TMEM120B: variants seen among roughly 807,000 people sequenced by gnomAD.
TMEM120B encodes transmembrane protein 120B.
Under a neutral mutation model 55.5 loss-of-function variants are expected in TMEM120B, and 31 were observed. The observed-to-expected ratio is 0.56, with a 90% CI of 0.42 to 0.75. The LOEUF (loss-of-function observed/expected upper bound fraction) is 0.75, where lower values mean the gene tolerates loss of function less well. Among genes scored for constraint, TMEM120B ranks in the 30% least tolerant of loss-of-function variants. The pLI, the probability that TMEM120B is intolerant of heterozygous loss-of-function variation, is 0.00. For missense variants in TMEM120B, 399 were observed against 425.5 expected (o/e 0.94, Z 0.55); for synonymous variants, 203 against 176.3 (o/e 1.15, Z -1.20).
intron 1 of TMEM120B, among the ~76,000 whole-genome samples, chr12:121,732,513 T>C (rs1322006461): frequency 2.0e-5 from 3 of 152,140 alleles, no homozygotes; most frequent in Non-Finnish European, 2.9e-5. Context: ...GGCCCACGGA[T>C]TAACCATTCT....
intron 5 of TMEM120B, among the ~76,000 whole-genome samples, chr12:121,757,571 C>T (rs1197374082): frequency 2.0e-5 from 3 of 150,338 alleles, no homozygotes; most frequent in African/African-American, 4.9e-5. Flanking sequence ...GGCTGGAGTG[C>T]AGTGGCACGA....
chr12:121,716,511 G>A (rs533781180), intron 1 of TMEM120B, among the ~76,000 whole-genome samples: 1 of 150,006 alleles, frequency 6.7e-6, no homozygotes, highest in East Asian at 1.9e-4. Context: ...GGGGTGATGT[G>A]TAACAATGTG....
In TMEM120B at chr12:121,776,199, C is replaced by T. The variant is rs1275421860; in HGVS notation, c.*477C>T. ...GGCCACTCTGCTTCTGCTGTGAGCC[C>T]CCTCCTCGCCCACCCCGCCACGTGG... On this transcript the variant is annotated 3_prime_UTR_variant, in exon 12 of 12. Transcript: ENST00000449592. The T allele has an allele frequency of 3.4e-6, 1 of 296,750 alleles. No individual in the cohort carries two copies. The allele number at this position is 296,750 out of a possible 1,614,324, so 18.4% of individuals were successfully genotyped here.
At chr12:121,771,103 GC>G in intron 7 of TMEM120B, 131 bp downstream of exon 7, 1 of 1,014,070 alleles carries the variant, frequency 9.9e-7, no homozygotes, top group East Asian at 2.6e-5. Flanking sequence ...GAAAGTATGA[GC>G]CTGCAGCTGC....
Position 121,780,479 on chromosome 12 carries a change from G to T in TMEM120B, c.*4757G>T. ...TTGCACGGTCAATTGGCCCGTGAAG[G>T]GGACGCCTACTTTCAAACAAGGCAG... On this transcript the variant is annotated 3_prime_UTR_variant, in exon 12 of 12. Transcript: ENST00000449592. 2.9e-6 allele frequency: 1 copy of T among 345,834 alleles called. No homozygotes were observed. The highest frequency in any genetic ancestry group is 2.1e-5 in the African/African-American group (1 of 47,814). The allele number at this position is 345,834 out of a possible 1,614,324, so 21.4% of individuals were successfully genotyped here.
chr12:121,746,376 G>A (rs991024288), intron 2 of TMEM120B, among the ~76,000 whole-genome samples: 1 of 151,908 alleles, frequency 6.6e-6, no homozygotes, highest in East Asian at 1.9e-4. Flanking sequence ...TAGTAGAGAC[G>A]GGGTTTCTCC....
intron 4 of TMEM120B, among the ~76,000 whole-genome samples, chr12:121,751,090 TACACCCCACACCC>T (rs1873301495): frequency 3.2e-5 from 1 of 31,374 alleles, no homozygotes; most frequent in Non-Finnish European, 6.1e-5. Context: ...ACCCCACACC[TACACCCCACACCC>T]ACACCCCAAA....
chr12:121,714,196 G>A (rs981850663), intron 1 of TMEM120B, among the ~76,000 whole-genome samples: 8 of 152,152 alleles, frequency 5.3e-5, no homozygotes, highest in African/African-American at 1.9e-4. Context: ...GTCCCATCCG[G>A]TTCTCAGGGG....
chr12:121,752,287 G>A, intron 5 of TMEM120B, 64 bp downstream of exon 5: 1 of 1,432,040 alleles, frequency 7.0e-7, no homozygotes, highest in Non-Finnish European at 9.8e-7. Flanking sequence ...GGCCGGGAGA[G>A]AGGGATCCAG....
intron 7 of TMEM120B, 129 bp from the exon 8 acceptor site, chr12:121,771,359 C>T (rs533956382): frequency 4.1e-5 from 33 of 805,368 alleles, no homozygotes; most frequent in African/African-American, 2.4e-4. Context: ...GATAGAAGGG[C>T]GGAAGTCTGG....
intron 1 of TMEM120B, among the ~76,000 whole-genome samples, chr12:121,720,693 CGACAGAG>C (rs1367413119): frequency 6.6e-6 from 1 of 151,648 alleles, no homozygotes; most frequent in Non-Finnish European, 1.5e-5. Context: ...CCAGACTGGG[CGACAGAG>C]TAAGACTGTG....
chr12:121,746,114 G>C (rs548901357), intron 2 of TMEM120B, among the ~76,000 whole-genome samples: 2 of 151,882 alleles, frequency 1.3e-5, no homozygotes, highest in East Asian at 3.9e-4. Context: ...GCCCACTTCA[G>C]TTTCCCAAAG....
chr12:121,725,863 C>T (rs534992243), intron 1 of TMEM120B, among the ~76,000 whole-genome samples: 6 of 151,994 alleles, frequency 3.9e-5, no homozygotes, highest in East Asian at 3.9e-4. Flanking sequence ...ATGGTGAAAC[C>T]GCATCTCTAC....
At chr12:121,730,178 G>A (rs1029206264) in intron 1 of TMEM120B, among the ~76,000 whole-genome samples, 3 of 151,048 alleles carry the variant, frequency 2.0e-5, no homozygotes, top group African/African-American at 7.3e-5. Context: ...AGAATCCCTG[G>A]AACCCAGGAA....
intron 1 of TMEM120B, among the ~76,000 whole-genome samples, chr12:121,731,176 G>T (rs1409325719): frequency 6.6e-6 from 1 of 152,196 alleles, no homozygotes; most frequent in Non-Finnish European, 1.5e-5. Flanking sequence ...TGATGTGTCT[G>T]TCAAAGACAG....
Position 121,758,408 on chromosome 12 carries a change from T to C in TMEM120B, c.462-3241T>C, listed in dbSNP as rs1391203479. ...GCCCAGCCCCGCGCTGTGGTCACCA[T>C]GGAGGAGGACGGCCCAGCCCCGCGC... On this transcript the variant is annotated intron_variant, in intron 5 of 11. Transcript: ENST00000449592. The C allele has an allele frequency of 5.1e-6, 5 of 982,186 alleles. No individual in the cohort carries two copies. The African/African-American group carries it at 7.2e-5, about 14-fold the overall frequency. The allele number at this position is 982,186 out of a possible 1,614,324, so 60.8% of individuals were successfully genotyped here. A position where few individuals can be genotyped will look rare whatever the true frequency, so the allele number is the denominator to read the frequency against.
intron 1 of TMEM120B, among the ~76,000 whole-genome samples, chr12:121,720,807 G>A (rs1027491271): frequency 6.6e-6 from 1 of 152,164 alleles, no homozygotes; most frequent in Non-Finnish European, 1.5e-5. Context: ...TGGCCCTATT[G>A]CAGTCTACTG....
At chr12:121,773,744 A>G (rs966841496) in intron 9 of TMEM120B, among the ~76,000 whole-genome samples, 4 of 140,192 alleles carry the variant, frequency 2.9e-5, no homozygotes, top group African/African-American at 1.1e-4. Context: ...GGAAGTGTCT[A>G]TTTTTTTGTG....
rs998161107 is a variant in TMEM120B at position 121,761,568 on chromosome 12, G to T, written c.462-81G>T. The T allele has an allele frequency of 5.6e-6, 6 of 1,068,688 alleles. No individual in the cohort carries two copies. The Admixed American group carries it at 1.1e-4, about 19-fold the overall frequency. The allele number at this position is 1,068,688 out of a possible 1,614,324, so 66.2% of individuals were successfully genotyped here. ...CTGTGGGCAGCCCTCAGCCTGGTTT[G>T]CTGCTCTGTGAGGTGAGGGTGGGAT... On this transcript the variant is annotated intron_variant, in intron 5 of 11. Transcript: ENST00000449592.
Sources: gnomAD v4.1 joint callset for allele counts (sites outside exome capture counted in the v4.1 genomes callset) on GRCh38, gnomAD v4.1.1 for gene constraint, MANE v1.5 for transcripts, NCBI Gene and HGNC (gene_info 2026-07-23, HGNC 2026-07-21) for gene names.